Variants in TTC36 observed in about 807,000 individuals in gnomAD.
TTC36 encodes tetratricopeptide repeat protein 36.
Under a neutral mutation model 17.5 loss-of-function variants are expected in TTC36, and 15 were observed. That is an observed-to-expected ratio of 0.86 (90% CI 0.57 to 1.32). The LOEUF is 1.32. TTC36 is among the 40% of genes most tolerant of loss of function. TTC36 has a pLI of 0.00. For synonymous variants in TTC36, 112 were observed against 109.8 expected, an observed-to-expected ratio of 1.02 and a Z score of -0.13; for missense variants, 292 against 260.9, an observed-to-expected ratio of 1.12 and a Z score of -0.82.
chr11:118,527,903 C>A (rs782120730), intron 1 of TTC36: 2 of 509,634 alleles, frequency 3.9e-6, no homozygotes, highest in East Asian at 5.2e-5. Flanking sequence ...GTTAAACTCT[C>A]ACATTTTTGT....
At position 118,530,875 on chromosome 11, in the gene TTC36, G is replaced by T; in HGVS notation, c.529G>T (p.Asp177Tyr). The T allele has an allele frequency of 6.6e-7, 1 of 1,507,862 alleles. No homozygotes were observed. Among genetic ancestry groups the T allele is most frequent in the Non-Finnish European group, 8.8e-7 (1 of 1,135,634 alleles). The allele number at this position is 1,507,862 out of a possible 1,614,324, so 93.4% of individuals were successfully genotyped here. A position where few individuals can be genotyped will look rare whatever the true frequency, so the allele number is the denominator to read the frequency against. ...CGCGCTGTGCAACCGCATGCTGGCC[G>T]ACATGATGGGGCAGCTGCGCCGCCC... ...YAALCNRMLADMMGQLRRPRD... is the reference protein window; with the variant it reads ...YAALCNRMLAYMMGQLRRPRD... The change falls in exon 3 of 3, where the codon GAC (aspartate) becomes TAC (tyrosine). Residue 177 changes from aspartate (D) to tyrosine (Y), a missense_variant. By Grantham distance (160) the Asp-to-Tyr change is radical (BLOSUM62 -3). Transcript: ENST00000302783. The surrounding 1 kb of genome is among the most constrained non-coding windows in gnomAD (Gnocchi z 5.8).
chr11:118,527,775 G>A, intron 1 of TTC36, 163 bp downstream of exon 1: 2 of 694,370 alleles, frequency 2.9e-6, no homozygotes, highest in East Asian at 2.6e-5. Flanking sequence ...TGGGGGTTTG[G>A]TAAGAGATGT....
rs1951217699 is a variant in TTC36 at position 118,530,991 on chromosome 11, C to T, written c.*75C>T. 9 of 1,394,868 alleles carry T rather than the reference C, an allele frequency of 6.5e-6. No homozygotes were observed. The highest frequency in any genetic ancestry group is 7.4e-6 in the Non-Finnish European group (8 of 1,082,180). 86.4% of individuals were successfully genotyped at this position (1,394,868 alleles called of 1,614,324 possible). Reference sequence around the variant, plus strand: ...AACCAATAAAGCCGTCGGGCCTCACCGACTCCGCCTGCTCCTGCGTCCTGC... The same window carrying T: ...AACCAATAAAGCCGTCGGGCCTCACTGACTCCGCCTGCTCCTGCGTCCTGC... On this transcript the variant is annotated 3_prime_UTR_variant, in exon 3 of 3. Transcript: ENST00000302783. The surrounding 1 kb of genome is among the most constrained non-coding windows in gnomAD (Gnocchi z 5.8).
intron 1 of TTC36, 106 bp downstream of exon 1, chr11:118,527,718 T>C: frequency 1.2e-6 from 1 of 815,524 alleles, no homozygotes; most frequent in Non-Finnish European, 2.1e-6. Context: ...TCCATGATTA[T>C]GATTGAGATT....
At chr11:118,528,494 A>G in intron 1 of TTC36, 109 bp from the exon 2 acceptor site, 1 of 1,183,510 alleles carries the variant, frequency 8.4e-7, no homozygotes, top group South Asian at 1.8e-5. Flanking sequence ...GCTGTGACCC[A>G]TACCCAGTCA....
intron 1 of TTC36, 97 bp from the exon 2 acceptor site, chr11:118,528,506 C>T: frequency 7.6e-7 from 1 of 1,324,092 alleles, no homozygotes; most frequent in Non-Finnish European, 1.0e-6. Context: ...ACCCAGTCAG[C>T]TCTGGCTCAG....
Position 118,528,675 on chromosome 11 carries a change from C to G in TTC36, c.191C>G (p.Ala64Gly), listed in dbSNP as rs1555056443. ...CTGCAGGGGGTGATGGCAGCAGAGG[C>G]TGGGGACCTCAGCACAGCCCTGGAG... ...LELQGVMAAE[A>G]GDLSTALERF... The change falls in exon 2 of 3, where the codon GCT (alanine) becomes GGT (glycine). Residue 64 changes from alanine to glycine, a missense_variant. Physicochemically the swap from Ala to Gly is moderately conservative, Grantham distance 60. Coordinates refer to ENST00000302783, the MANE Select transcript of TTC36 (RefSeq NM_001080441.4). 6.2e-7 allele frequency: 1 copy of G among 1,612,744 alleles called. No individual in the cohort carries two copies. The highest frequency in any genetic ancestry group is 1.7e-5 in the Admixed American group (1 of 59,950).
Position 118,530,620 on chromosome 11 carries a change from G to A in TTC36, c.308-34G>A. The A allele has an allele frequency of 7.2e-7, 1 of 1,391,582 alleles. No homozygotes were observed. Among genetic ancestry groups the A allele is most frequent in the Non-Finnish European group, 9.2e-7 (1 of 1,084,676 alleles). 86.2% of individuals were successfully genotyped at this position (1,391,582 alleles called of 1,614,324 possible). A position where few individuals can be genotyped will look rare whatever the true frequency, so the allele number is the denominator to read the frequency against. ...GGGCAAGGCCGCCCTGGCCTCCGCT[G>A]ACCCCCGCCCCGCCCGTCTCGTCGG... On this transcript the variant is annotated intron_variant, in intron 2 of 2. Transcript: ENST00000302783. This position sits in a 1 kb window ranked among gnomAD's most constrained non-coding sequence, Gnocchi z 5.8.
Position 118,530,402 on chromosome 11 carries a change from C to A in TTC36, c.308-252C>A. ...GCGGTGGAAAATAATAGGAACAAGG[C>A]GAGACCTGGACTTCAGTCCCAGCTC... is the stretch of plus-strand genomic sequence containing the variant. On this transcript the variant is annotated intron_variant, in intron 2 of 2. Coordinates refer to ENST00000302783, the MANE Select transcript of TTC36 (RefSeq NM_001080441.4). This position sits in a 1 kb window ranked among gnomAD's most constrained non-coding sequence, Gnocchi z 5.8. The A allele has an allele frequency of 2.3e-6, 1 of 430,804 alleles. No individual in the cohort carries two copies. Among genetic ancestry groups the A allele is most frequent in the Non-Finnish European group, 4.0e-6 (1 of 248,210 alleles). The allele number at this position is 430,804 out of a possible 1,614,324, so 26.7% of individuals were successfully genotyped here. A position where few individuals can be genotyped will look rare whatever the true frequency, so the allele number is the denominator to read the frequency against.
At chr11:118,529,853 A>G (rs1197565858) in intron 2 of TTC36, among the ~76,000 whole-genome samples, 1 of 152,244 alleles carries the variant, frequency 6.6e-6, no homozygotes, top group Admixed American at 6.5e-5. Flanking sequence ...CCGGAGGCTC[A>G]GGCTCTTTGG....
Position 118,528,731 on chromosome 11 carries a change from G to A in TTC36, c.247G>A (p.Glu83Lys), listed in dbSNP as rs377476216. The A allele has an allele frequency of 1.5e-5, 24 of 1,613,180 alleles. No individual in the cohort carries two copies. The highest frequency in any genetic ancestry group is 1.5e-5 in the Non-Finnish European group (18 of 1,179,800). The change falls in exon 2 of 3, where the codon GAG (glutamate) becomes AAG (lysine). Residue 83 changes from glutamate (E) to lysine (K), a missense_variant. Physicochemically the swap from Glu to Lys is moderately conservative, Grantham distance 56. Coordinates refer to ENST00000302783, the MANE Select transcript of TTC36 (RefSeq NM_001080441.4). ...TGGCCAAGCCATCTGCCTGCTGCCT[G>A]AGAGGGCTTCAGCCTACAACAACCG... ...RFGQAICLLP[E>K]RASAYNNRAQ...
chr11:118,530,862 C>T lies in TTC36; in HGVS notation c.516C>T (p.Asn172=). The change falls in exon 3 of 3, where the codon AAC becomes AAT. Residue 172 remains asparagine (N), a synonymous_variant. Transcript: ENST00000302783. The surrounding 1 kb of genome is among the most constrained non-coding windows in gnomAD (Gnocchi z 5.8). ...TCAACCCCTACGCCGCGCTGTGCAA[C>T]CGCATGCTGGCCGACATGATGGGGC... The part of the protein sequence containing the change: ...VLLNPYAALC[N]RMLADMMGQL... 4.6e-6 allele frequency: 7 copies of T among 1,510,222 alleles called. No homozygotes were observed. The South Asian group carries it at 4.9e-5, about 11-fold the overall frequency. The allele number at this position is 1,510,222 out of a possible 1,614,324, so 93.6% of individuals were successfully genotyped here.
rs370296563 is a variant in TTC36 at position 118,528,763 on chromosome 11, G to A, written c.279G>A (p.Gln93=). Residue 93 remains glutamine (Q), a synonymous_variant, in exon 2 of 3, where the codon CAG becomes CAA. Coordinates refer to ENST00000302783, the MANE Select transcript of TTC36 (RefSeq NM_001080441.4). ...CTTCAGCCTACAACAACCGTGCCCA[G>A]GCCCGGCGACTCCAGGGAGACGTGG... The part of the protein sequence containing the change: ...ERASAYNNRA[Q]ARRLQGDVAG... 7 of 1,611,382 alleles carry A rather than the reference G, an allele frequency of 4.3e-6. No individual in the cohort carries two copies. The highest frequency in any genetic ancestry group is 1.1e-5 in the South Asian group (1 of 90,638).
rs140403049 is a variant in TTC36, at chr11:118,530,841, C to A, written c.495C>A (p.Asn165Lys). ...CGCGGCGCCAGCTGGTGCTGCTCAA[C>A]CCCTACGCCGCGCTGTGCAACCGCA... The part of the protein sequence containing the change: ...PFARRQLVLL[N>K]PYAALCNRML... Residue 165 changes from asparagine (N) to lysine (K), a missense_variant, in exon 3 of 3, where the codon AAC (asparagine) becomes AAA (lysine). Transcript: ENST00000302783. This position sits in a 1 kb window ranked among gnomAD's most constrained non-coding sequence, Gnocchi z 5.8. 6.6e-7 allele frequency: 1 copy of A among 1,511,496 alleles called. No homozygotes were observed. The allele number at this position is 1,511,496 out of a possible 1,614,324, so 93.6% of individuals were successfully genotyped here.
rs75822754 is a variant in TTC36 at position 118,530,507 on chromosome 11, T to C, written c.308-147T>C. 3,751 of 866,690 alleles carry C rather than the reference T, an allele frequency of 4.3e-3. 108 individuals carry two copies. In the African/African-American group the frequency reaches 0.061, roughly 14 times the overall value. 53.7% of individuals were successfully genotyped at this position (866,690 alleles called of 1,614,324 possible). A position where few individuals can be genotyped will look rare whatever the true frequency, so the allele number is the denominator to read the frequency against. ...TAATGGGAATAACGATCCGTACCTC[T>C]AGCAGGTGCGAGGCGGGTTGTAAAT... On this transcript the variant is annotated intron_variant, in intron 2 of 2. Coordinates refer to ENST00000302783, the MANE Select transcript of TTC36 (RefSeq NM_001080441.4). The surrounding 1 kb of genome is among the most constrained non-coding windows in gnomAD (Gnocchi z 5.8).
chr11:118,530,534 GC>G lies in TTC36; in HGVS notation c.308-118del. ...GCAGGTGCGAGGCGGGTTGTAAATG[GC>G]CACGCCCGGGAGCCGCAAGAACCAC... On this transcript the variant is annotated intron_variant, in intron 2 of 2. Transcript: ENST00000302783. The surrounding 1 kb of genome is among the most constrained non-coding windows in gnomAD (Gnocchi z 5.8). 8.3e-7 allele frequency: 1 copy of G among 1,202,130 alleles called. No homozygotes were observed. Among genetic ancestry groups the G allele is most frequent in the Non-Finnish European group, 1.1e-6 (1 of 932,132 alleles). The allele number at this position is 1,202,130 out of a possible 1,614,324, so 74.5% of individuals were successfully genotyped here.
At position 118,528,644 on chromosome 11, in the gene TTC36, C is replaced by A; in HGVS notation, c.160C>A (p.Leu54Met). ...PQAQLEQSKA[L>M]ELQGVMAAEA... ...AGCACAGCTGGAACAGTCCAAGGCCCTGGAGCTGCAGGGGGTGATGGCAGC... is the reference window on the plus strand; with the variant it reads ...AGCACAGCTGGAACAGTCCAAGGCCATGGAGCTGCAGGGGGTGATGGCAGC... The change falls in exon 2 of 3, where the codon CTG becomes ATG. Residue 54 changes from leucine (L) to methionine (M), a missense_variant. Leu to Met is a conservative substitution (Grantham distance 15, BLOSUM62 2). Coordinates refer to ENST00000302783, the MANE Select transcript of TTC36 (RefSeq NM_001080441.4). 6.2e-7 allele frequency: 1 copy of A among 1,609,798 alleles called. No individual in the cohort carries two copies.
intron 2 of TTC36, among the ~76,000 whole-genome samples, 197 bp downstream of exon 2, chr11:118,528,988 T>C (rs1375315756): frequency 2.0e-5 from 3 of 152,192 alleles, no homozygotes; most frequent in East Asian, 1.9e-4. Context: ...CTGCATTCCA[T>C]TGATTAAGGA....
chr11:118,530,638 CTCG>C lies in TTC36; in HGVS notation c.308-12_308-10del. On this transcript the variant is annotated splice_polypyrimidine_tract_variant and intron_variant, in intron 2 of 2. Transcript: ENST00000302783. This position sits in a 1 kb window ranked among gnomAD's most constrained non-coding sequence, Gnocchi z 5.8. Reference sequence around the variant, plus strand: ...CTCCGCTGACCCCCGCCCCGCCCGTCTCGTCGGTCCCGCAGGCGCCCTGGAGGA... The same window carrying C: ...CTCCGCTGACCCCCGCCCCGCCCGTCTCGGTCCCGCAGGCGCCCTGGAGGA... 1 of 1,420,660 alleles carries C rather than the reference CTCG, an allele frequency of 7.0e-7. No individual in the cohort carries two copies. The highest frequency in any genetic ancestry group is 9.1e-7 in the Non-Finnish European group (1 of 1,098,058). 88.0% of individuals were successfully genotyped at this position (1,420,660 alleles called of 1,614,324 possible). A position where few individuals can be genotyped will look rare whatever the true frequency, so the allele number is the denominator to read the frequency against.
Sources: allele counts gnomAD v4.1 joint callset (sites outside exome capture counted in the v4.1 genomes callset), GRCh38; gene constraint gnomAD v4.1.1; non-coding constraint Gnocchi (gnomAD v3.1); transcripts MANE v1.5; gene names NCBI Gene and HGNC (gene_info 2026-07-23, HGNC 2026-07-21).